The following SCD5 variants were observed in gnomAD, a reference collection of about 807,000 sequenced individuals.
The protein encoded by SCD5 is stearoyl-CoA desaturase 5, also known as acyl-CoA-desaturase 4.
Under a neutral mutation model 30.4 loss-of-function variants are expected in SCD5, and 20 were observed. The ratio of observed to expected loss-of-function variants is 0.66; its 90% CI spans 0.46 to 0.96. The LOEUF (loss-of-function observed/expected upper bound fraction) is 0.96. Among genes scored for constraint, SCD5 ranks in the 40% least tolerant of loss-of-function variants. The pLI is 0.00. For missense variants in SCD5, 381 were observed against 443.3 expected, an observed-to-expected ratio of 0.86 and a Z score of 1.26; for synonymous variants, 173 against 176.4, an observed-to-expected ratio of 0.98 and a Z score of 0.16.
chr4:82,709,172 C>T (rs1720029104), intron 1 of SCD5, among the ~76,000 whole-genome samples: 1 of 152,186 alleles, frequency 6.6e-6, no homozygotes, highest in Non-Finnish European at 1.5e-5. Flanking sequence ...GAATCAGGTC[C>T]TTTTAGCCAG....
chr4:82,780,370 T>G (rs1361861313), intron 1 of SCD5, among the ~76,000 whole-genome samples: 5 of 152,116 alleles, frequency 3.3e-5, no homozygotes, highest in Non-Finnish European at 5.9e-5. Flanking sequence ...TAGGTCCATC[T>G]CCCCTTCTAG....
chr4:82,688,526 C>A (rs529286545), intron 2 of SCD5, among the ~76,000 whole-genome samples: 2 of 152,200 alleles, frequency 1.3e-5, no homozygotes, highest in South Asian at 4.1e-4. Flanking sequence ...GGTGCTTTCC[C>A]CATTGTTGAT....
At chr4:82,753,824 G>T (rs1398967940) in intron 1 of SCD5, among the ~76,000 whole-genome samples, 1 of 152,126 alleles carries the variant, frequency 6.6e-6, no homozygotes, top group Non-Finnish European at 1.5e-5. Flanking sequence ...AACTGAGAGG[G>T]ATTAAAAGGC....
At chr4:82,753,849 C>G (rs1721165066) in intron 1 of SCD5, among the ~76,000 whole-genome samples, 1 of 152,164 alleles carries the variant, frequency 6.6e-6, no homozygotes, top group African/African-American at 2.4e-5. Context: ...AGGGCGTATT[C>G]CATTTCCTTG....
At chr4:82,654,065 C>T (rs1727818486) in intron 3 of SCD5, among the ~76,000 whole-genome samples, 1 of 152,100 alleles carries the variant, frequency 6.6e-6, no homozygotes, top group Non-Finnish European at 1.5e-5. Context: ...TTACAGGTGT[C>T]TGCCACCACC....
chr4:82,726,512 G>C (rs1369712209), intron 1 of SCD5, among the ~76,000 whole-genome samples: 1 of 148,890 alleles, frequency 6.7e-6, no homozygotes, highest in African/African-American at 2.5e-5. Context: ...CGGACACTGA[G>C]ATTAAAAGAC....
chr4:82,710,770 T>C (rs1372610719), intron 1 of SCD5, among the ~76,000 whole-genome samples: 7 of 147,738 alleles, frequency 4.7e-5, no homozygotes, highest in Non-Finnish European at 5.9e-5. Flanking sequence ...TGAAGATAGA[T>C]AGGCAAAGGC....
chr4:82,689,840 TG>T (rs1190017156), intron 2 of SCD5, among the ~76,000 whole-genome samples: 1 of 152,250 alleles, frequency 6.6e-6, no homozygotes, highest in East Asian at 1.9e-4. Context: ...AGTGATGTCA[TG>T]TGCCTCTTTT....
intron 4 of SCD5, among the ~76,000 whole-genome samples, chr4:82,632,069 G>C (rs1293445026): frequency 6.6e-6 from 1 of 151,634 alleles, no homozygotes; most frequent in Admixed American, 6.6e-5. Context: ...AAGTTCTAGG[G>C]TACATGTGCA....
At chr4:82,661,209 A>G in intron 3 of SCD5, 1 of 768,320 alleles carries the variant, frequency 1.3e-6, no homozygotes, top group Non-Finnish European at 2.2e-6. Flanking sequence ...TCATCCCTTG[A>G]CACACTCAAT....
At chr4:82,784,904 G>A (rs1387464030) in intron 1 of SCD5, among the ~76,000 whole-genome samples, 1 of 152,158 alleles carries the variant, frequency 6.6e-6, no homozygotes, top group Non-Finnish European at 1.5e-5. Context: ...CTGGATTGTT[G>A]GCGATTCCAG....
intron 2 of SCD5, among the ~76,000 whole-genome samples, chr4:82,699,026 T>C (rs1172705187): frequency 6.6e-6 from 1 of 152,186 alleles, no homozygotes; most frequent in African/African-American, 2.4e-5. Flanking sequence ...AGGATAAATG[T>C]GCATTTGGAC....
intron 1 of SCD5, among the ~76,000 whole-genome samples, chr4:82,797,753 C>G (rs1722256591): frequency 6.6e-6 from 1 of 152,034 alleles, no homozygotes; most frequent in South Asian, 2.1e-4. Context: ...AGAGGGGAAC[C>G]GGTATCTTCC....
chr4:82,703,063 C>T (rs1250602749), intron 2 of SCD5, among the ~76,000 whole-genome samples: 1 of 152,136 alleles, frequency 6.6e-6, no homozygotes, highest in Admixed American at 6.6e-5. Context: ...ATTCTAATAT[C>T]CTACTAGACA....
At chr4:82,780,992 A>C (rs1187634770) in intron 1 of SCD5, among the ~76,000 whole-genome samples, 2 of 152,210 alleles carry the variant, frequency 1.3e-5, no homozygotes, top group African/African-American at 4.8e-5. Flanking sequence ...GAAGGCCCCC[A>C]CCAGCCTCCT....
At chr4:82,681,029 C>T in intron 2 of SCD5, 117 bp from the exon 3 acceptor site, 1 of 795,284 alleles carries the variant, frequency 1.3e-6, no homozygotes. Flanking sequence ...CACTTTCCTC[C>T]TGTCTTCAAC....
intron 1 of SCD5, among the ~76,000 whole-genome samples, chr4:82,757,782 T>C (rs1721264424): frequency 6.6e-6 from 1 of 152,228 alleles, no homozygotes; most frequent in Non-Finnish European, 1.5e-5. Context: ...CATATGGTCC[T>C]TAGCTTTGTA....
chr4:82,632,903 C>T (rs1484887745), intron 4 of SCD5, among the ~76,000 whole-genome samples: 1 of 152,022 alleles, frequency 6.6e-6, no homozygotes, highest in Non-Finnish European at 1.5e-5. Flanking sequence ...ATGTACAACA[C>T]CGGGTTCTGA....
intron 4 of SCD5, among the ~76,000 whole-genome samples, chr4:82,633,190 C>A (rs1438762219): frequency 6.6e-6 from 1 of 151,772 alleles, no homozygotes; most frequent in Admixed American, 6.6e-5. Flanking sequence ...TGCTCTACTT[C>A]GTTCAACTTT....
Sources: allele counts gnomAD v4.1 joint callset (sites outside exome capture counted in the v4.1 genomes callset), GRCh38; gene constraint gnomAD v4.1.1; transcripts MANE v1.5; gene names NCBI Gene and HGNC (gene_info 2026-07-23, HGNC 2026-07-21).